Variants in CEACAM1 observed in about 807,000 individuals in gnomAD.
The protein encoded by CEACAM1 is cell adhesion molecule CEACAM1.
A neutral mutation model predicts 49.1 loss-of-function variants in CEACAM1; 31 were observed. That is an observed-to-expected ratio of 0.63 (90% CI 0.47 to 0.85). CEACAM1 has a LOEUF of 0.85. Ranked by LOEUF, CEACAM1 falls within the 40% of genes least tolerant of loss-of-function variation. The pLI is 0.00. For synonymous variants in CEACAM1, 244 were observed against 247.8 expected, an observed-to-expected ratio of 0.98 and a Z score of 0.14; for missense variants, 570 against 645.3, an observed-to-expected ratio of 0.88 and a Z score of 1.26.
chr19:42,527,416 G>A lies in CEACAM1; in HGVS notation c.65-16C>T, dbSNP rs887977779. On this transcript the variant is annotated splice_polypyrimidine_tract_variant and intron_variant, in intron 1 of 8. Coordinates refer to ENST00000161559, the MANE Select transcript of CEACAM1 (RefSeq NM_001712.5). ...AGAAGTGAGGCTAGGAGAGAGGAGAGAGCATCAGTCAATATTGGGACCTAT... is the reference window on the plus strand; with the variant it reads ...AGAAGTGAGGCTAGGAGAGAGGAGAAAGCATCAGTCAATATTGGGACCTAT... The A allele has an allele frequency of 5.1e-6, 8 of 1,572,774 alleles. No homozygotes were observed. The African/African-American group carries it at 8.1e-5, about 16-fold the overall frequency.
intron 5 of CEACAM1, among the ~76,000 whole-genome samples, chr19:42,513,958 C>CTTTTTTTT (rs869304469): frequency 4.6e-5 from 4 of 86,884 alleles, no homozygotes; most frequent in Non-Finnish European, 6.5e-5. Context: ...TCTTCTTCTT[C>CTTTTTTTT]TTTTTTTTTT....
In CEACAM1 at chr19:42,528,438, G is replaced by A. The variant is rs2041948932; in HGVS notation, c.-64C>T. 1.3e-6 allele frequency: 2 copies of A among 1,516,158 alleles called. No homozygotes were observed. Among genetic ancestry groups the A allele is most frequent in the African/African-American group, 1.4e-5 (1 of 73,290 alleles). The allele number at this position is 1,516,158 out of a possible 1,614,324, so 93.9% of individuals were successfully genotyped here. ...AGCTTGGGCTCCAGGAACGCTTCGA[G>A]CACGGCTGCTCTGTCACCTCTGCTG... is the stretch of plus-strand genomic sequence containing the variant. On this transcript the variant is annotated 5_prime_UTR_variant, in exon 1 of 9. Coordinates refer to ENST00000161559, the MANE Select transcript of CEACAM1 (RefSeq NM_001712.5).
rs765715380 is a variant in CEACAM1, at chr19:42,521,910, C to G, written c.703+14G>C. The G allele has an allele frequency of 4.3e-6, 7 of 1,614,076 alleles. No individual in the cohort carries two copies. The highest frequency in any genetic ancestry group is 5.9e-6 in the Non-Finnish European group (7 of 1,180,038). On this transcript the variant is annotated intron_variant, in intron 3 of 8. Transcript: ENST00000161559. ...GCTGGCAGCCTGGGCCACAGAGGAA[C>G]AGAAGATACTCACAGGTGACATTCA...
chr19:42,523,340 C>T (rs2041806907), intron 2 of CEACAM1, among the ~76,000 whole-genome samples: 1 of 152,208 alleles, frequency 6.6e-6, no homozygotes, highest in African/African-American at 2.4e-5. Flanking sequence ...GAAGGTAGCT[C>T]AGTCGTCAGG....
chr19:42,519,263 A>G (rs1600228219), intron 4 of CEACAM1, 28 bp from the exon 5 acceptor site: 2 of 1,611,292 alleles, frequency 1.2e-6, no homozygotes, highest in Admixed American at 1.7e-5. Context: ...ATCTGAGATA[A>G]CCTACTGAGA....
At chr19:42,523,625 C>T (rs185822688) in intron 2 of CEACAM1, among the ~76,000 whole-genome samples, 32 of 152,312 alleles carry the variant, frequency 2.1e-4, no homozygotes, top group African/African-American at 6.3e-4. Context: ...GCTAGTGGAA[C>T]GGAAGGAGCA....
intron 4 of CEACAM1, 78 bp from the exon 5 acceptor site, chr19:42,519,313 C>A: frequency 6.9e-7 from 1 of 1,455,566 alleles, no homozygotes; most frequent in South Asian, 1.2e-5. Context: ...TGCTCCTTTC[C>A]CTGAGATTTT....
At chr19:42,517,904 A>G (rs1005303513) in intron 5 of CEACAM1, among the ~76,000 whole-genome samples, 8 of 152,252 alleles carry the variant, frequency 5.3e-5, no homozygotes, top group African/African-American at 1.9e-4. Flanking sequence ...ATTATTCATA[A>G]TAGCCAAAAG....
Position 42,518,596 on chromosome 19 carries a change from C to T in CEACAM1, c.1246+352G>A, listed in dbSNP as rs369033910. On this transcript the variant is annotated intron_variant, in intron 5 of 8. Coordinates refer to ENST00000161559, the MANE Select transcript of CEACAM1 (RefSeq NM_001712.5). Reference sequence around the variant, plus strand: ...CACTGAAAGCTCCGCCTCCCAGGTTCACGCCATTCTCCCGCCTCAGCCTCC... The same window carrying T: ...CACTGAAAGCTCCGCCTCCCAGGTTTACGCCATTCTCCCGCCTCAGCCTCC... The T allele has an allele frequency of 6.8e-4, 181 of 265,192 alleles. 1 individual carries two copies. The highest frequency in any genetic ancestry group is 6.5e-3 in the South Asian group (177 of 27,082). The allele number at this position is 265,192 out of a possible 1,614,324, so 16.4% of individuals were successfully genotyped here. A position where few individuals can be genotyped will look rare whatever the true frequency, so the allele number is the denominator to read the frequency against.
intron 2 of CEACAM1, among the ~76,000 whole-genome samples, chr19:42,523,858 A>G (rs1249565323): frequency 3.9e-5 from 6 of 152,204 alleles, no homozygotes; most frequent in Admixed American, 2.0e-4. Context: ...TGCTGAAGTC[A>G]GTTTGAAATC....
intron 2 of CEACAM1, among the ~76,000 whole-genome samples, chr19:42,523,150 C>T (rs2041801614): frequency 6.6e-6 from 1 of 152,192 alleles, no homozygotes; most frequent in Non-Finnish European, 1.5e-5. Context: ...TCCCTTCCAG[C>T]TTCACAGTCC....
chr19:42,518,141 C>T (rs998449686), intron 5 of CEACAM1, among the ~76,000 whole-genome samples: 3 of 152,074 alleles, frequency 2.0e-5, no homozygotes, highest in South Asian at 2.1e-4. Flanking sequence ...TAGTTAAATA[C>T]GGGGTGGGCA....
intron 2 of CEACAM1, among the ~76,000 whole-genome samples, chr19:42,524,296 C>G (rs1411630181): frequency 6.6e-6 from 1 of 152,216 alleles, no homozygotes; most frequent in Non-Finnish European, 1.5e-5. Context: ...CTAGCTCTAC[C>G]TGGGGAAGGT....
rs1324951836 is a variant in CEACAM1 at position 42,521,257 on chromosome 19, A to G, written c.958+10T>C. 1 of 1,613,128 alleles carries G rather than the reference A, an allele frequency of 6.2e-7. No homozygotes were observed. The highest frequency in any genetic ancestry group is 2.2e-5 in the East Asian group (1 of 44,848). On this transcript the variant is annotated intron_variant, in intron 4 of 8. Transcript: ENST00000161559. ...CAGATCTTAGTGTTGATGCTCCAGGAATTACTTACCAGTGACTATGATCGT... is the reference window on the plus strand; with the variant it reads ...CAGATCTTAGTGTTGATGCTCCAGGGATTACTTACCAGTGACTATGATCGT...
intron 2 of CEACAM1, chr19:42,525,953 C>T (rs1045363068): frequency 2.0e-5 from 3 of 151,978 alleles, no homozygotes; most frequent in Non-Finnish European, 4.4e-5. Flanking sequence ...AATAAACAAT[C>T]TTATTTTATT....
intron 5 of CEACAM1, among the ~76,000 whole-genome samples, chr19:42,515,824 G>A (rs1323077818): frequency 6.6e-6 from 1 of 152,286 alleles, no homozygotes; most frequent in Non-Finnish European, 1.5e-5. Context: ...AGTACTATGA[G>A]TAATTGAATG....
intron 4 of CEACAM1, among the ~76,000 whole-genome samples, chr19:42,520,028 C>T (rs1025763120): frequency 2.6e-5 from 4 of 152,272 alleles, no homozygotes; most frequent in Admixed American, 1.3e-4. Context: ...AGTTCCAATC[C>T]GAAGGATTTC....
rs1033786754 is a variant in CEACAM1 at position 42,528,268 on chromosome 19, G to A, written c.64+43C>T. Reference sequence around the variant, plus strand: ...CCCCAGAGGACCCTAGCCATTCTCTGTGCGCCCTCTTTCCGCCCCTTCCCA... The same window carrying A: ...CCCCAGAGGACCCTAGCCATTCTCTATGCGCCCTCTTTCCGCCCCTTCCCA... On this transcript the variant is annotated intron_variant, in intron 1 of 8. Transcript: ENST00000161559. 4.4e-6 allele frequency: 7 copies of A among 1,573,616 alleles called. No homozygotes were observed. The South Asian group carries it at 5.6e-5, about 13-fold the overall frequency.
At chr19:42,519,427 G>T (rs925057982) in intron 4 of CEACAM1, 192 bp from the exon 5 acceptor site, 2 of 595,200 alleles carry the variant, frequency 3.4e-6, no homozygotes, top group South Asian at 2.0e-5. Flanking sequence ...GTGATGAATT[G>T]TAAGGAGAGG....
Sources: gnomAD v4.1 joint callset for allele counts (sites outside exome capture counted in the v4.1 genomes callset) on GRCh38, gnomAD v4.1.1 for gene constraint, MANE v1.5 for transcripts, NCBI Gene and HGNC (gene_info 2026-07-23, HGNC 2026-07-21) for gene names.